The following MEX3D variants were observed in gnomAD, a reference collection of about 807,000 sequenced individuals.
MEX3D encodes mex-3 RNA binding family member D, also known as RNA-binding protein MEX3D.
MEX3D carries 4 observed loss-of-function variants against 6.3 expected under a neutral mutation model. The ratio of observed to expected loss-of-function variants is 0.64; its 90% confidence interval spans 0.31 to 1.46. The LOEUF is 1.46. Among genes scored for constraint, MEX3D ranks in the 40% most tolerant of loss-of-function variants. The pLI, the probability that MEX3D is intolerant of heterozygous loss-of-function variation, is 0.07. For synonymous variants in MEX3D, 626 were observed against 494.1 expected, an observed-to-expected ratio of 1.27 and a Z score of -3.54; for missense variants, 1,038 against 994.4, an observed-to-expected ratio of 1.04 and a Z score of -0.59.
rs1267401072 is a variant in MEX3D at position 1,567,707 on chromosome 19, C to A, written c.352G>T (p.Ala118Ser). ...AGCGGCAGCGACCCGGGGGCCACGGCGGGGGCCAGGGTCGGGGGCGCGCCG... is the reference window on the plus strand; with the variant it reads ...AGCGGCAGCGACCCGGGGGCCACGGAGGGGGCCAGGGTCGGGGGCGCGCCG... ...EAGAPPTLAP[A>S]VAPGSLPLLD... Residue 118 changes from alanine to serine, a missense_variant, in exon 1 of 2, where the codon GCC (alanine) becomes TCC (serine). Coordinates refer to ENST00000402693, the MANE Select transcript of MEX3D (RefSeq NM_203304.4). The surrounding 1 kb of genome is among the most constrained non-coding windows in gnomAD (Gnocchi z 6.5). 9.6e-7 allele frequency: 1 copy of A among 1,046,460 alleles called. No individual in the cohort carries two copies. Among genetic ancestry groups the A allele is most frequent in the Non-Finnish European group, 1.2e-6 (1 of 862,234 alleles). The allele number at this position is 1,046,460 out of a possible 1,614,324, so 64.8% of individuals were successfully genotyped here.
intron 1 of MEX3D, among the ~76,000 whole-genome samples, chr19:1,560,423 G>C (rs1914688047): frequency 6.6e-6 from 1 of 152,228 alleles, no homozygotes; most frequent in Non-Finnish European, 1.5e-5. Context: ...AGAGGGCAGA[G>C]CCCGCCAGCG....
chr19:1,563,225 G>A (rs1914762531), intron 1 of MEX3D, among the ~76,000 whole-genome samples: 1 of 152,198 alleles, frequency 6.6e-6, no homozygotes, highest in African/African-American at 2.4e-5. Context: ...CCTGGGGCCT[G>A]CGGGGATGGG....
chr19:1,556,372 G>A lies in MEX3D; in HGVS notation c.1147C>T (p.Pro383Ser), dbSNP rs752162305. 7 of 1,497,744 alleles carry A rather than the reference G, an allele frequency of 4.7e-6. No individual in the cohort carries two copies. The highest frequency in any genetic ancestry group is 1.3e-5 in the South Asian group (1 of 76,748). The allele number at this position is 1,497,744 out of a possible 1,614,324, so 92.8% of individuals were successfully genotyped here. A position where few individuals can be genotyped will look rare whatever the true frequency, so the allele number is the denominator to read the frequency against. ...CGGAGGCCGGCCGTGGCCGTGGGGG[G>A]CCGTCGTCCCTGGTTGGGGGTCTTG... ...WAKTPNQGRR[P>S]PTATAGLRGD... is the part of the protein sequence containing the mutation. The change falls in exon 2 of 2, where the codon CCC becomes TCC. Residue 383 changes from proline (P) to serine (S), a missense_variant. By Grantham distance (74) the Pro-to-Ser change is moderately conservative. This residue lies in a region of MEX3D where 581 missense variants were observed against 516.2 expected (regional missense o/e 1.13). Coordinates refer to ENST00000402693, the MANE Select transcript of MEX3D (RefSeq NM_203304.4). This position sits in a 1 kb window ranked among gnomAD's most constrained non-coding sequence, Gnocchi z 7.5.
At position 1,555,195 on chromosome 19, in the gene MEX3D, G is replaced by T. The variant is rs1208047828; in HGVS notation, c.*368C>A. The stretch of plus-strand genomic sequence containing the variant: ...ACGGCTTCGGACGAAAGGAAAAAAC[G>T]CTGAGCGCTGGAAAAGTCGTGTTTT... On this transcript the variant is annotated 3_prime_UTR_variant, in exon 2 of 2. Transcript: ENST00000402693. The T allele has an allele frequency of 1.2e-6, 1 of 868,762 alleles. No individual in the cohort carries two copies. Among genetic ancestry groups the T allele is most frequent in the Non-Finnish European group, 1.6e-6 (1 of 633,654 alleles). 53.8% of individuals were successfully genotyped at this position (868,762 alleles called of 1,614,324 possible). A position where few individuals can be genotyped will look rare whatever the true frequency, so the allele number is the denominator to read the frequency against.
In MEX3D at chr19:1,567,826, T is replaced by C; in HGVS notation, c.233A>G (p.Asp78Gly). ...GCCGTCCCCGGCCGCCCCCTCCTCG[T>C]CCGTGTCGCCAGCGCCCCCCAGCCC... ...ALGLGGAGDT[D>G]EEGAAGDGAA... is the part of the protein sequence containing the mutation. Residue 78 changes from aspartate to glycine, a missense_variant, in exon 1 of 2, where the codon GAC (aspartate) becomes GGC (glycine). Asp to Gly is a moderately conservative substitution (Grantham distance 94, BLOSUM62 -1). Coordinates refer to ENST00000402693, the MANE Select transcript of MEX3D (RefSeq NM_203304.4). The surrounding 1 kb of genome is among the most constrained non-coding windows in gnomAD (Gnocchi z 6.5). 1.0e-6 allele frequency: 1 copy of C among 979,288 alleles called. No homozygotes were observed. Among genetic ancestry groups the C allele is most frequent in the Non-Finnish European group, 1.2e-6 (1 of 824,986 alleles). The allele number at this position is 979,288 out of a possible 1,614,324, so 60.7% of individuals were successfully genotyped here. A position where few individuals can be genotyped will look rare whatever the true frequency, so the allele number is the denominator to read the frequency against.
chr19:1,564,600 C>CA (rs1425133009), intron 1 of MEX3D, among the ~76,000 whole-genome samples: 1 of 151,462 alleles, frequency 6.6e-6, no homozygotes, highest in African/African-American at 2.4e-5. Context: ...GGTGGGAACT[C>CA]AGAGGGTTTG....
chr19:1,566,699 C>T (rs1022727483), intron 1 of MEX3D, among the ~76,000 whole-genome samples: 6 of 151,910 alleles, frequency 3.9e-5, no homozygotes, highest in Non-Finnish European at 7.4e-5. Flanking sequence ...CCCCGCAGCT[C>T]GGGGGCCAAT....
At position 1,556,575 on chromosome 19, in the gene MEX3D, T is replaced by C; in HGVS notation, c.944A>G (p.Glu315Gly). The C allele has an allele frequency of 1.2e-6, 2 of 1,608,952 alleles. No homozygotes were observed. Among genetic ancestry groups the C allele is most frequent in the Non-Finnish European group, 1.7e-6 (2 of 1,178,478 alleles). ...CATCCCAGTGACCGCGAACACCGGC[T>C]CCTTGTCGCGCCCGGGCGTCACGAT... Reference protein sequence around the residue: ...TYIVTPGRDKEPVFAVTGMPE... With the variant: ...TYIVTPGRDKGPVFAVTGMPE... Residue 315 changes from glutamate (E) to glycine (G), a missense_variant, in exon 2 of 2, where the codon GAG becomes GGG. By Grantham distance (98) the Glu-to-Gly change is moderately conservative (BLOSUM62 -2). This residue lies in a region of MEX3D where 65 missense variants were observed against 109.3 expected (regional missense o/e 0.59). Transcript: ENST00000402693. The surrounding 1 kb of genome is among the most constrained non-coding windows in gnomAD (Gnocchi z 7.5).
At position 1,556,768 on chromosome 19, in the gene MEX3D, G is replaced by C; in HGVS notation, c.751C>G (p.Arg251Gly). The C allele has an allele frequency of 6.2e-7, 1 of 1,612,486 alleles. No individual in the cohort carries two copies. Among genetic ancestry groups the C allele is most frequent in the East Asian group, 2.2e-5 (1 of 44,864 alleles). Residue 251 changes from arginine to glycine, a missense_variant, in exon 2 of 2, where the codon CGC (arginine) becomes GGC (glycine). Around this residue, in one of 5 missense-constraint regions of MEX3D, gnomAD observed 52 missense variants for 37.4 expected, o/e 1.39. Coordinates refer to ENST00000402693, the MANE Select transcript of MEX3D (RefSeq NM_203304.4). The surrounding 1 kb of genome is among the most constrained non-coding windows in gnomAD (Gnocchi z 7.5). ...CCCCCGGCCTTGCTGCGCGTGGCGCGGATGATGGAGAAGTGTTCGGCCGCC... is the reference window on the plus strand; with the variant it reads ...CCCCCGGCCTTGCTGCGCGTGGCGCCGATGATGGAGAAGTGTTCGGCCGCC... ...LSAAEHFSII[R>G]ATRSKAGGLP... is the part of the protein sequence containing the mutation.
chr19:1,558,102 G>A (rs936607883), intron 1 of MEX3D, among the ~76,000 whole-genome samples: 12 of 149,210 alleles, frequency 8.0e-5, no homozygotes, highest in Non-Finnish European at 1.6e-4. Context: ...GCTCACACCC[G>A]TAATCCTAGT....
At chr19:1,563,562 A>T (rs1914770877) in intron 1 of MEX3D, among the ~76,000 whole-genome samples, 1 of 152,100 alleles carries the variant, frequency 6.6e-6, no homozygotes, top group South Asian at 2.1e-4. Flanking sequence ...GCACAGATTC[A>T]CCCAGGGTGC....
Position 1,568,011 on chromosome 19 carries a change from GCCGCCC to G in MEX3D, c.42_47del (p.Gly19_Gly20del), listed in dbSNP as rs971230173. 17 of 976,664 alleles carry G rather than the reference GCCGCCC, an allele frequency of 1.7e-5. No homozygotes were observed. In the South Asian group the frequency reaches 2.3e-4, roughly 13 times the overall value. The allele number at this position is 976,664 out of a possible 1,614,324, so 60.5% of individuals were successfully genotyped here. A position where few individuals can be genotyped will look rare whatever the true frequency, so the allele number is the denominator to read the frequency against. On this transcript the variant is annotated inframe_deletion, in exon 1 of 2. Coordinates refer to ENST00000402693, the MANE Select transcript of MEX3D (RefSeq NM_203304.4). ...CCGCCGCCCCCACGCCGCCGCCGCCGCCGCCCCCGCCCCCGCCGCCGTCGGGCTGGC... is the reference window on the plus strand; with the variant it reads ...CCGCCGCCCCCACGCCGCCGCCGCCGCCGCCCCCGCCGCCGTCGGGCTGGC...
chr19:1,559,293 A>G (rs995200103), intron 1 of MEX3D, among the ~76,000 whole-genome samples: 10 of 151,834 alleles, frequency 6.6e-5, no homozygotes, highest in African/African-American at 2.4e-4. Flanking sequence ...CACCACACCC[A>G]GCTAATTTTT....
Position 1,555,686 on chromosome 19 carries a change from C to A in MEX3D, c.1833G>T (p.Ala611=). The A allele has an allele frequency of 6.4e-7, 1 of 1,571,980 alleles. No individual in the cohort carries two copies. Among genetic ancestry groups the A allele is most frequent in the Non-Finnish European group, 8.6e-7 (1 of 1,163,208 alleles). ...AGAGGTTGTGGCCGCAGGGGACCAG[C>A]GCAGCCATCACCTCGCCCTCGGCGC... ...VVCAEGEVMA[A]LVPCGHNLFC... is the part of the protein sequence containing the mutation. Residue 611 remains alanine (A), a synonymous_variant, in exon 2 of 2, where the codon GCG becomes GCT. Coordinates refer to ENST00000402693, the MANE Select transcript of MEX3D (RefSeq NM_203304.4).
At chr19:1,561,324 G>A (rs892467298) in intron 1 of MEX3D, among the ~76,000 whole-genome samples, 2 of 152,204 alleles carry the variant, frequency 1.3e-5, no homozygotes, top group African/African-American at 2.4e-5. Context: ...GGGAGCCGCT[G>A]AGGCAACAGC....
intron 1 of MEX3D, 91 bp from the exon 2 acceptor site, chr19:1,557,014 G>C (rs922946285): frequency 9.0e-6 from 13 of 1,442,250 alleles, no homozygotes; most frequent in Non-Finnish European, 9.3e-7. Flanking sequence ...GCCAGTGAGG[G>C]AGCCCCTACC....
At chr19:1,560,921 A>T (rs1015128733) in intron 1 of MEX3D, among the ~76,000 whole-genome samples, 5 of 152,314 alleles carry the variant, frequency 3.3e-5, no homozygotes, top group Middle Eastern at 6.8e-3. Context: ...CCCCACTGGA[A>T]ATGACACAGC....
rs114451952 is a variant in MEX3D, at chr19:1,555,623, G to A, written c.1896C>T (p.Ser632=). 2.9e-3 allele frequency: 4,536 copies of A among 1,590,818 alleles called. 138 individuals carry two copies. In the African/African-American group the frequency reaches 0.055, roughly 19 times the overall value. ...TGCGGCAGGCGGGACACTCGGGCTCGCTCTTGCCGCAGATGCGGACGGCGC... is the reference window on the plus strand; with the variant it reads ...TGCGGCAGGCGGGACACTCGGGCTCACTCTTGCCGCAGATGCGGACGGCGC... ...MDCAVRICGK[S]EPECPACRTP... The change falls in exon 2 of 2, where the codon AGC becomes AGT. Residue 632 remains serine, a synonymous_variant. Transcript: ENST00000402693.
At chr19:1,558,602 G>A (rs954729134) in intron 1 of MEX3D, among the ~76,000 whole-genome samples, 1 of 152,190 alleles carries the variant, frequency 6.6e-6, no homozygotes, top group Admixed American at 6.6e-5. Context: ...GAGAGCAACT[G>A]GAGACCCTCT....
Sources: allele counts gnomAD v4.1 joint callset (sites outside exome capture counted in the v4.1 genomes callset), GRCh38; gene constraint gnomAD v4.1.1; regional missense constraint gnomAD v4.1.1; non-coding constraint Gnocchi (gnomAD v3.1); transcripts MANE v1.5; gene names NCBI Gene and HGNC (gene_info 2026-07-23, HGNC 2026-07-21).